UBE2E2: variants seen among roughly 807,000 people sequenced by gnomAD.
UBE2E2 encodes the protein ubiquitin-conjugating enzyme E2 E2.
UBE2E2 carries 6 observed loss-of-function variants against 24.7 expected under a neutral mutation model. The observed-to-expected ratio is 0.24, with a 90% CI of 0.13 to 0.48. The LOEUF (loss-of-function observed/expected upper bound fraction) is 0.48, where lower values mean the gene tolerates loss of function less well. Among genes scored for constraint, UBE2E2 ranks in the 20% least tolerant of loss-of-function variants. The pLI is 0.99. For synonymous variants in UBE2E2, 104 were observed against 83.6 expected, an observed-to-expected ratio of 1.24 and a Z score of -1.33; for missense variants, 169 against 245.0, an observed-to-expected ratio of 0.69 and a Z score of 2.07.
At chr3:23,227,655 T>C (rs1423848690) in intron 3 of UBE2E2, among the ~76,000 whole-genome samples, 1 of 152,150 alleles carries the variant, frequency 6.6e-6, no homozygotes, top group East Asian at 1.9e-4. Context: ...GGATAGACTT[T>C]TTGAAGACAA....
At chr3:23,451,256 T>G (rs896790589) in intron 3 of UBE2E2, among the ~76,000 whole-genome samples, 1 of 152,184 alleles carries the variant, frequency 6.6e-6, no homozygotes, top group African/African-American at 2.4e-5. Context: ...AAATTGCTCA[T>G]GTCAAATTTG....
chr3:23,494,730 T>C (rs1413705885), intron 3 of UBE2E2, among the ~76,000 whole-genome samples: 1 of 152,008 alleles, frequency 6.6e-6, no homozygotes, highest in Non-Finnish European at 1.5e-5. Flanking sequence ...TTTTATATGC[T>C]TTTTTCTTTT....
At chr3:23,446,983 T>C (rs1559386394) in intron 3 of UBE2E2, among the ~76,000 whole-genome samples, 1 of 152,182 alleles carries the variant, frequency 6.6e-6, no homozygotes, top group African/African-American at 2.4e-5. Context: ...CAGTTATCCA[T>C]GCAAAACAGT....
In UBE2E2 at chr3:23,325,739, G is replaced by A. The variant is rs148269897; in HGVS notation, c.227+108427G>A. Among the ~76,000 whole-genome samples, 792 of 152,324 alleles carry A rather than the reference G, an allele frequency of 5.2e-3. 7 individuals are homozygous for A. Among genetic ancestry groups the A allele is most frequent in the African/African-American group, 0.018 (756 of 41,568 alleles). On this transcript the variant is annotated intron_variant, in intron 3 of 5. Coordinates refer to ENST00000396703, the MANE Select transcript of UBE2E2 (RefSeq NM_152653.4). The stretch of plus-strand genomic sequence containing the variant: ...ATGTGCTACTGTGAGAAATATAATA[G>A]TGAATATCTAACCCCTCCGTATCAC...
At chr3:23,396,303 T>TATA (rs1553608066) in intron 3 of UBE2E2, among the ~76,000 whole-genome samples, 3,895 of 128,000 alleles carry the variant, frequency 0.03, 95 homozygotes, top group East Asian at 0.15. Context: ...CATTTATTTT[T>TATA]TATATATATA....
chr3:23,335,131 G>T (rs898128941), intron 3 of UBE2E2, among the ~76,000 whole-genome samples: 5 of 152,080 alleles, frequency 3.3e-5, no homozygotes, highest in Non-Finnish European at 5.9e-5. Flanking sequence ...TTTCAAATGG[G>T]TTATTTTGTG....
chr3:23,425,359 G>T (rs1263169637), intron 3 of UBE2E2, among the ~76,000 whole-genome samples: 1 of 152,090 alleles, frequency 6.6e-6, no homozygotes, highest in African/African-American at 2.4e-5. Flanking sequence ...TTTAAAGGGG[G>T]AAGCTCAACT....
chr3:23,245,612 G>A (rs1004734833), intron 3 of UBE2E2, among the ~76,000 whole-genome samples: 1 of 152,044 alleles, frequency 6.6e-6, no homozygotes, highest in East Asian at 1.9e-4. Context: ...ATTTATTCAG[G>A]TAGTAAGGGA....
At chr3:23,289,366 T>C (rs1698700211) in intron 3 of UBE2E2, among the ~76,000 whole-genome samples, 1 of 152,236 alleles carries the variant, frequency 6.6e-6, no homozygotes, top group Admixed American at 6.5e-5. Context: ...AAACCAACAA[T>C]GATACCAGCT....
intron 4 of UBE2E2, among the ~76,000 whole-genome samples, chr3:23,523,576 A>G (rs1475164363): frequency 7.7e-6 from 1 of 130,584 alleles, no homozygotes; most frequent in African/African-American, 2.9e-5. Context: ...CAGTTCCTTC[A>G]CTGCCAGTTA....
intron 3 of UBE2E2, among the ~76,000 whole-genome samples, chr3:23,238,160 T>C (rs1204584964): frequency 6.6e-6 from 1 of 151,994 alleles, no homozygotes; most frequent in African/African-American, 2.4e-5. Context: ...TAGAGAAAAA[T>C]ATTGGAAAGC....
At chr3:23,372,215 A>G (rs1696415583) in intron 3 of UBE2E2, among the ~76,000 whole-genome samples, 1 of 152,360 alleles carries the variant, frequency 6.6e-6, no homozygotes, top group East Asian at 1.9e-4. Context: ...CTCAATTCTT[A>G]ATGCAGGAAA....
At chr3:23,578,915 C>G (rs1006611569) in intron 5 of UBE2E2, among the ~76,000 whole-genome samples, 2 of 152,146 alleles carry the variant, frequency 1.3e-5, no homozygotes, top group African/African-American at 4.8e-5. Context: ...TGCACATGTA[C>G]CCCTGAACTT....
At chr3:23,283,818 A>G (rs563421478) in intron 3 of UBE2E2, among the ~76,000 whole-genome samples, 69 of 151,006 alleles carry the variant, frequency 4.6e-4, no homozygotes, top group Non-Finnish European at 9.3e-4. Context: ...AGGTTGTTAC[A>G]AATGCAGATT....
In UBE2E2 at chr3:23,529,211, G is replaced by A. The variant is rs1575687710; in HGVS notation, c.361-3343G>A. On this transcript the variant is annotated intron_variant, in intron 4 of 5. Transcript: ENST00000396703. Reference sequence around the variant, plus strand: ...ATGTTTGTGATAGAGTTGTTTGTGTGTTGACTGGTGGTATTCACACAAATC... The same window carrying A: ...ATGTTTGTGATAGAGTTGTTTGTGTATTGACTGGTGGTATTCACACAAATC... 2.0e-5 allele frequency among the ~76,000 whole-genome samples: 3 copies of A among 152,182 alleles called. No homozygotes were observed. The South Asian group carries it at 6.2e-4, about 32-fold the overall frequency.
At chr3:23,448,160 A>C (rs1014620663) in intron 3 of UBE2E2, among the ~76,000 whole-genome samples, 1 of 152,188 alleles carries the variant, frequency 6.6e-6, no homozygotes, top group African/African-American at 2.4e-5. Flanking sequence ...CAGGAAGTCT[A>C]ACAGAGTTTA....
chr3:23,271,047 T>A (rs1206388176), intron 3 of UBE2E2: 2 of 456,498 alleles, frequency 4.4e-6, no homozygotes, highest in African/African-American at 4.0e-5. Flanking sequence ...CAATTAACTA[T>A]GACTAACATA....
intron 3 of UBE2E2, among the ~76,000 whole-genome samples, chr3:23,371,092 C>T (rs1479593441): frequency 6.6e-6 from 1 of 152,088 alleles, no homozygotes; most frequent in Non-Finnish European, 1.5e-5. Context: ...TGCAGTGACA[C>T]AATCATGGCT....
At chr3:23,513,364 ACC>A (rs932917367) in intron 4 of UBE2E2, among the ~76,000 whole-genome samples, 1 of 152,184 alleles carries the variant, frequency 6.6e-6, no homozygotes, top group Non-Finnish European at 1.5e-5. Context: ...TTTTGCATTT[ACC>A]ATCTTGAAGA....
Sources: gnomAD v4.1 joint callset for allele counts (sites outside exome capture counted in the v4.1 genomes callset) on GRCh38, gnomAD v4.1.1 for gene constraint, MANE v1.5 for transcripts, NCBI Gene and HGNC (gene_info 2026-07-23, HGNC 2026-07-21) for gene names.